KIF13A: variants seen among roughly 807,000 people sequenced by gnomAD.
KIF13A encodes the protein kinesin family member 13A.
Under a neutral mutation model 212.2 loss-of-function variants are expected in KIF13A, and 79 were observed. The ratio of observed to expected loss-of-function variants is 0.37; its 90% CI spans 0.31 to 0.45. The LOEUF is 0.45. KIF13A is among the 20% of genes least tolerant of loss of function. The probability of loss-of-function intolerance (pLI) is 1.00; values close to 1 mark genes in which losing one functional copy is unlikely to be tolerated. For missense variants in KIF13A, 1,901 were observed against 2,209.0 expected, an observed-to-expected ratio of 0.86 and a Z score of 2.79; for synonymous variants, 789 against 808.6, an observed-to-expected ratio of 0.98 and a Z score of 0.41.
At chr6:17,852,767 T>C (rs1767780476) in intron 6 of KIF13A, among the ~76,000 whole-genome samples, 1 of 152,212 alleles carries the variant, frequency 6.6e-6, no homozygotes, top group South Asian at 2.1e-4. Context: ...TAAACTCTAC[T>C]TCAAGTCTGC....
In KIF13A at chr6:17,803,546, T is replaced by A. The variant is rs115787245; in HGVS notation, c.2454+815A>T. ...AACGTACATTTTCTGAAATATCTTA[T>A]GCCTACCTAGGCCACTATATCTAAA... On this transcript the variant is annotated intron_variant, in intron 20 of 38. Coordinates refer to ENST00000259711, the MANE Select transcript of KIF13A (RefSeq NM_022113.6). Among the ~76,000 whole-genome samples the A allele has an allele frequency of 8.0e-3, 1,223 of 152,310 alleles. 20 individuals carry two copies. The highest frequency in any genetic ancestry group is 0.028 in the African/African-American group (1,181 of 41,572).
intron 29 of KIF13A, among the ~76,000 whole-genome samples, chr6:17,781,595 GA>G (rs1490108340): frequency 1.1e-4 from 16 of 148,618 alleles, no homozygotes; most frequent in African/African-American, 3.7e-4. Context: ...AATGTGCTGG[GA>G]TTACAGGGGT....
rs983369369 is a variant in KIF13A at position 17,825,090 on chromosome 6, T to C, written c.1786+678A>G. Among the ~76,000 whole-genome samples the C allele has an allele frequency of 2.0e-5, 3 of 152,126 alleles. No individual in the cohort carries two copies. The highest frequency in any genetic ancestry group is 2.0e-4 in the Admixed American group (3 of 15,274). On this transcript the variant is annotated intron_variant, in intron 16 of 38. Transcript: ENST00000259711. The surrounding 1 kb of genome is among the most constrained non-coding windows in gnomAD (Gnocchi z 4.5). ...ATCTAGCAATTAAGACACTGGGAGA[T>C]GGGAAAAGAAAGGGCAGATTTATAA...
chr6:17,850,751 C>T lies in KIF13A; in HGVS notation c.583-294G>A, dbSNP rs896406454. ...GATAGCTAATATTTATTGAGCACTCCGATAATCAATAATAGCAGTGACTTG... is the reference window on the plus strand; with the variant it reads ...GATAGCTAATATTTATTGAGCACTCTGATAATCAATAATAGCAGTGACTTG... On this transcript the variant is annotated intron_variant, in intron 7 of 38. Transcript: ENST00000259711. This position sits in a 1 kb window ranked among gnomAD's most constrained non-coding sequence, Gnocchi z 6.2. 3.9e-5 allele frequency among the ~76,000 whole-genome samples: 6 copies of T among 152,068 alleles called. No homozygotes were observed. Among genetic ancestry groups the T allele is most frequent in the East Asian group, 1.9e-4 (1 of 5,184 alleles).
At chr6:17,917,037 A>G (rs1265520645) in intron 2 of KIF13A, among the ~76,000 whole-genome samples, 9 of 151,666 alleles carry the variant, frequency 5.9e-5, no homozygotes, top group Non-Finnish European at 1.3e-4. Context: ...AAAAAAAAAA[A>G]AATTCCCCAC....
chr6:17,881,922 G>C (rs1294208908), intron 3 of KIF13A: 1 of 436,176 alleles, frequency 2.3e-6, no homozygotes, highest in Admixed American at 2.4e-5. Context: ...CTTGAACCCG[G>C]GAGACTGAGG....
In KIF13A at chr6:17,888,491, G is replaced by C. The variant is rs887040284; in HGVS notation, c.159+9677C>G. On this transcript the variant is annotated intron_variant, in intron 3 of 38. Coordinates refer to ENST00000259711, the MANE Select transcript of KIF13A (RefSeq NM_022113.6). This position sits in a 1 kb window ranked among gnomAD's most constrained non-coding sequence, Gnocchi z 4.8. ...GCTGTCCCATAGAAATATAATGCTA[G>C]CCATATAAATAATTTAAAATGTTTT... is the stretch of plus-strand genomic sequence containing the variant. 1.3e-5 allele frequency among the ~76,000 whole-genome samples: 2 copies of C among 152,164 alleles called. No individual in the cohort carries two copies. The highest frequency in any genetic ancestry group is 6.5e-5 in the Admixed American group (1 of 15,268).
At chr6:17,878,605 T>A (rs958198333) in intron 3 of KIF13A, among the ~76,000 whole-genome samples, 1 of 152,162 alleles carries the variant, frequency 6.6e-6, no homozygotes, top group Non-Finnish European at 1.5e-5. Context: ...AATTTGCTAT[T>A]CTTCAAATAA....
rs568505917 is a variant in KIF13A, at chr6:17,769,747, G to T, written c.4581+1367C>A. On this transcript the variant is annotated intron_variant, in intron 38 of 38. Coordinates refer to ENST00000259711, the MANE Select transcript of KIF13A (RefSeq NM_022113.6). This position sits in a 1 kb window ranked among gnomAD's most constrained non-coding sequence, Gnocchi z 5.8. Reference sequence around the variant, plus strand: ...AATCAGACACAGAGCCAGAGAATTGGCAGGGGAAAAAACTAGTCATTTGGC... The same window carrying T: ...AATCAGACACAGAGCCAGAGAATTGTCAGGGGAAAAAACTAGTCATTTGGC... 4.2e-3 allele frequency among the ~76,000 whole-genome samples: 639 copies of T among 152,258 alleles called. 5 individuals carry two copies. Among genetic ancestry groups the T allele is most frequent in the Non-Finnish European group, 7.3e-3 (495 of 68,034 alleles).
chr6:17,854,006 C>CATTTA (rs1767911699), intron 6 of KIF13A, among the ~76,000 whole-genome samples: 2 of 152,000 alleles, frequency 1.3e-5, no homozygotes, highest in Non-Finnish European at 2.9e-5. Context: ...CTCTTTATGC[C>CATTTA]TTACAGGTGT....
At chr6:17,800,573 A>AT (rs1471309327) in intron 20 of KIF13A, among the ~76,000 whole-genome samples, 2 of 148,744 alleles carry the variant, frequency 1.3e-5, no homozygotes, top group African/African-American at 5.0e-5. Flanking sequence ...AGTAGTTGGG[A>AT]TTACAGGTGC....
intron 2 of KIF13A, among the ~76,000 whole-genome samples, chr6:17,941,204 T>C: frequency 6.6e-6 from 1 of 152,180 alleles, no homozygotes; most frequent in Admixed American, 6.5e-5. Context: ...CCCAAATATA[T>C]TACCCTCCTA....
intron 34 of KIF13A, among the ~76,000 whole-genome samples, chr6:17,775,479 T>C (rs1310390769): frequency 1.3e-5 from 2 of 152,124 alleles, no homozygotes; most frequent in African/African-American, 4.8e-5. Context: ...GAGTATATTT[T>C]GACTGCTTTT....
chr6:17,953,241 T>C (rs1778034938), intron 2 of KIF13A, among the ~76,000 whole-genome samples: 1 of 152,168 alleles, frequency 6.6e-6, no homozygotes, highest in African/African-American at 2.4e-5. Flanking sequence ...ACAGTTCATA[T>C]AGATGATATT....
intron 2 of KIF13A, among the ~76,000 whole-genome samples, chr6:17,905,757 G>A (rs1201412770): frequency 1.3e-5 from 2 of 152,170 alleles, no homozygotes; most frequent in African/African-American, 2.4e-5. Flanking sequence ...AAAATCACCA[G>A]AGAACACAGC....
rs554001518 is a variant in KIF13A at position 17,777,572 on chromosome 6, C to T, written c.4093-218G>A. Among the ~76,000 whole-genome samples the T allele has an allele frequency of 3.9e-5, 6 of 151,992 alleles. No homozygotes were observed. The East Asian group carries it at 5.8e-4, about 15-fold the overall frequency. On this transcript the variant is annotated intron_variant, in intron 33 of 38. Transcript: ENST00000259711. This position sits in a 1 kb window ranked among gnomAD's most constrained non-coding sequence, Gnocchi z 4.4. ...ATTTTTTTTTGTATTTTAGTAGAGA[C>T]GGGGTTTCACCATGTTGCCCAGGTT...
intron 16 of KIF13A, among the ~76,000 whole-genome samples, chr6:17,824,671 G>A (rs1030002909): frequency 1.3e-5 from 2 of 148,940 alleles, no homozygotes; most frequent in Non-Finnish European, 3.0e-5. Context: ...TGAGGCAGGA[G>A]AACGGCGTGA....
intron 12 of KIF13A, among the ~76,000 whole-genome samples, chr6:17,832,395 G>T (rs1765525021): frequency 6.6e-6 from 1 of 152,152 alleles, no homozygotes; most frequent in Admixed American, 6.5e-5. Context: ...GTAGCCTCTT[G>T]GGAGGCTAAG....
At chr6:17,920,956 A>G (rs144947318) in intron 2 of KIF13A, among the ~76,000 whole-genome samples, 1 of 152,274 alleles carries the variant, frequency 6.6e-6, no homozygotes, top group East Asian at 1.9e-4. Context: ...GTTTGCCCTT[A>G]AAGGGTCATA....
Sources: allele counts gnomAD v4.1 joint callset (sites outside exome capture counted in the v4.1 genomes callset), GRCh38; gene constraint gnomAD v4.1.1; non-coding constraint Gnocchi (gnomAD v3.1); transcripts MANE v1.5; gene names NCBI Gene and HGNC (gene_info 2026-07-23, HGNC 2026-07-21).